ERICH6: variants seen among roughly 807,000 people sequenced by gnomAD.
ERICH6 encodes glutamate rich 6.
In ERICH6, 71 loss-of-function variants were observed where a neutral mutation model predicts 71.0. That is an observed-to-expected ratio of 1.00 (90% CI 0.83 to 1.22). ERICH6 has a LOEUF of 1.22. ERICH6 is among the 50% of genes most tolerant of loss of function. The pLI, the probability that ERICH6 is intolerant of heterozygous loss-of-function variation, is 0.00. For synonymous variants in ERICH6, 262 were observed against 278.4 expected, an observed-to-expected ratio of 0.94 and a Z score of 0.59; for missense variants, 808 against 797.2, an observed-to-expected ratio of 1.01 and a Z score of -0.16.
chr3:150,685,311 G>T (rs1478383893), intron 6 of ERICH6, among the ~76,000 whole-genome samples: 3 of 152,194 alleles, frequency 2.0e-5, no homozygotes, highest in Non-Finnish European at 2.9e-5. Flanking sequence ...TGGACTTGGT[G>T]TCCTTAGAAA....
intron 12 of ERICH6, among the ~76,000 whole-genome samples, chr3:150,667,392 C>T (rs1232308887): frequency 6.6e-6 from 1 of 152,144 alleles, no homozygotes; most frequent in Non-Finnish European, 1.5e-5. Context: ...GAAATAAAGA[C>T]CTGTGGCTGT....
At chr3:150,673,928 A>G in intron 11 of ERICH6, 28 bp downstream of exon 11, 1 of 1,602,548 alleles carries the variant, frequency 6.2e-7, no homozygotes, top group Non-Finnish European at 8.5e-7. Context: ...AATAAAGCTA[A>G]TAAAAATAAC....
intron 4 of ERICH6, 49 bp from the exon 5 acceptor site, chr3:150,686,070 G>A: frequency 6.9e-7 from 1 of 1,444,998 alleles, no homozygotes; most frequent in Non-Finnish European, 9.7e-7. Context: ...CCTTTGTGCA[G>A]TGCATTCCAC....
At chr3:150,681,435 T>G (rs73003079) in intron 7 of ERICH6, among the ~76,000 whole-genome samples, 12,970 of 152,266 alleles carry the variant, frequency 0.085, 1,879 homozygotes, top group African/African-American at 0.3. Flanking sequence ...ATTTTATTCA[T>G]CCATTCATCC....
chr3:150,671,829 C>T (rs1711504050), intron 11 of ERICH6, among the ~76,000 whole-genome samples: 1 of 152,098 alleles, frequency 6.6e-6, no homozygotes, highest in South Asian at 2.1e-4. Context: ...AGGCTTTCAC[C>T]ATGTTGCCCA....
intron 13 of ERICH6, among the ~76,000 whole-genome samples, chr3:150,662,621 A>G (rs577514966): frequency 1.3e-5 from 2 of 152,388 alleles, no homozygotes; most frequent in East Asian, 3.8e-4. Flanking sequence ...AGAGAGGGGT[A>G]AATCTTTCTA....
intron 13 of ERICH6, among the ~76,000 whole-genome samples, chr3:150,666,434 C>T (rs1576546631): frequency 6.6e-6 from 1 of 152,178 alleles, no homozygotes; most frequent in African/African-American, 2.4e-5. Context: ...ATGATTCAAA[C>T]TCAGGTCTCC....
chr3:150,673,735 T>C (rs907184609), intron 11 of ERICH6, among the ~76,000 whole-genome samples: 1 of 152,094 alleles, frequency 6.6e-6, no homozygotes, highest in Non-Finnish European at 1.5e-5. Flanking sequence ...ACTACAGGCA[T>C]GTGCCATCAC....
rs544702379 is a variant in ERICH6 at position 150,668,489 on chromosome 3, A to G, written c.1499+807T>C. On this transcript the variant is annotated intron_variant, in intron 12 of 13. Coordinates refer to ENST00000295910, the MANE Select transcript of ERICH6 (RefSeq NM_152394.5). ...AAAGGTAACATAGAATTGCTGTAGA[A>G]TCCTGAAAGATAAGTAGAAAGTTTC... Among the ~76,000 whole-genome samples, 236 of 152,324 alleles carry G rather than the reference A, an allele frequency of 1.5e-3. 1 individual carries two copies. Among genetic ancestry groups the G allele is most frequent in the African/African-American group, 4.7e-3 (194 of 41,572 alleles).
At chr3:150,670,539 A>G (rs1161397145) in intron 11 of ERICH6, among the ~76,000 whole-genome samples, 2 of 151,976 alleles carry the variant, frequency 1.3e-5, no homozygotes, top group African/African-American at 4.8e-5. Flanking sequence ...AAAAAAAGGA[A>G]ATGAAAAGCA....
At chr3:150,689,269 A>G (rs1712324647) in intron 3 of ERICH6, among the ~76,000 whole-genome samples, 1 of 152,150 alleles carries the variant, frequency 6.6e-6, no homozygotes, top group South Asian at 2.1e-4. Flanking sequence ...AATAGAAGGC[A>G]GGTAACTATT....
In ERICH6 at chr3:150,682,312, T is replaced by C. The variant is rs542080384; in HGVS notation, c.788A>G (p.Glu263Gly). 7.4e-6 allele frequency: 12 copies of C among 1,612,226 alleles called. No individual in the cohort carries two copies. Among genetic ancestry groups the C allele is most frequent in the African/African-American group, 1.3e-5 (1 of 75,014 alleles). ...ACATTTGGGTGATGTCTCCTCCTCT[T>C]CATCCTTCAGAGAGAGAGGAAAAAA... ...SSNLGINFKD[E>G]EEETSPKCEF... Residue 263 changes from glutamate to glycine, a missense_variant, in exon 7 of 14, where the codon GAA becomes GGA. Coordinates refer to ENST00000295910, the MANE Select transcript of ERICH6 (RefSeq NM_152394.5).
At chr3:150,694,553 C>T (rs1021375976) in intron 3 of ERICH6, among the ~76,000 whole-genome samples, 3 of 152,166 alleles carry the variant, frequency 2.0e-5, no homozygotes, top group African/African-American at 7.2e-5. Flanking sequence ...CCTACCTGCT[C>T]GTTTTCTCCT....
In ERICH6 at chr3:150,666,969, T is replaced by TA; in HGVS notation, c.1545_1546insT (p.Asn516Ter). On this transcript the variant is annotated frameshift_variant, in exon 13 of 14. Coordinates refer to ENST00000295910, the MANE Select transcript of ERICH6 (RefSeq NM_152394.5). LOFTEE classifies it high-confidence loss of function. ...GACCAATTCCAAGCCCTTATTCTGT[T>TA]GCCGGCTTGATCTGAATATTGACCT... 2 of 1,614,174 alleles carry TA rather than the reference T, an allele frequency of 1.2e-6. No individual in the cohort carries two copies. Among genetic ancestry groups the TA allele is most frequent in the Non-Finnish European group, 1.7e-6 (2 of 1,180,018 alleles).
intron 12 of ERICH6, among the ~76,000 whole-genome samples, chr3:150,667,382 G>A (rs188624221): frequency 1.3e-5 from 2 of 152,236 alleles, no homozygotes; most frequent in East Asian, 3.9e-4. Flanking sequence ...TCACCACACC[G>A]AAATAAAGAC....
chr3:150,669,276 G>C lies in ERICH6; in HGVS notation c.1499+20C>G. The C allele has an allele frequency of 6.4e-7, 1 of 1,562,928 alleles. No homozygotes were observed. The highest frequency in any genetic ancestry group is 8.6e-7 in the Non-Finnish European group (1 of 1,158,236). The stretch of plus-strand genomic sequence containing the variant: ...GAACAAAAGCCACAAAATGGCAGCA[G>C]CAGGAACCTAGAAGCTTACCAGACA... On this transcript the variant is annotated intron_variant, in intron 12 of 13. Coordinates refer to ENST00000295910, the MANE Select transcript of ERICH6 (RefSeq NM_152394.5).
At chr3:150,661,676 G>T (rs1727228693) in intron 13 of ERICH6, among the ~76,000 whole-genome samples, 1 of 152,156 alleles carries the variant, frequency 6.6e-6, no homozygotes, top group South Asian at 2.1e-4. Context: ...TATTATAAAA[G>T]ATATGTTAAT....
At position 150,698,869 on chromosome 3, in the gene ERICH6, T is replaced by A. The variant is rs1172551085; in HGVS notation, c.475A>T (p.Asn159Tyr). Reference sequence around the variant, plus strand: ...GATACTGGAATTCCTGGAGACAAATTGCGATGAATATTTCTGAAATTTCGA... The same window carrying A: ...GATACTGGAATTCCTGGAGACAAATAGCGATGAATATTTCTGAAATTTCGA... ...EMSIDRNIHR[N>Y]LSPGIPVSVQ... The change falls in exon 3 of 14, where the codon AAT (asparagine) becomes TAT (tyrosine). Residue 159 changes from asparagine to tyrosine, a missense_variant. By Grantham distance (143) the Asn-to-Tyr change is moderately radical. Around this residue, in one of 3 missense-constraint regions of ERICH6, gnomAD observed 736 missense variants for 712.2 expected, o/e 1.03. Coordinates refer to ENST00000295910, the MANE Select transcript of ERICH6 (RefSeq NM_152394.5). The A allele has an allele frequency of 1.2e-6, 2 of 1,613,742 alleles. No homozygotes were observed. The highest frequency in any genetic ancestry group is 3.3e-5 in the Admixed American group (2 of 59,998).
At chr3:150,662,027 C>T (rs1447912560) in intron 13 of ERICH6, among the ~76,000 whole-genome samples, 3 of 151,982 alleles carry the variant, frequency 2.0e-5, no homozygotes, top group South Asian at 2.1e-4. Flanking sequence ...ATCAAACAAA[C>T]GCTAACAAAG....
Sources: allele counts gnomAD v4.1 joint callset (sites outside exome capture counted in the v4.1 genomes callset), GRCh38; gene constraint gnomAD v4.1.1; regional missense constraint gnomAD v4.1.1; transcripts MANE v1.5; gene names NCBI Gene and HGNC (gene_info 2026-07-23, HGNC 2026-07-21).